Variants in UGT2B17 observed in about 807,000 individuals in gnomAD.
The protein encoded by UGT2B17 is UDP glucuronosyltransferase family 2 member B17, also known as UDP-glucuronosyltransferase 2B17.
In UGT2B17, 21 loss-of-function variants were observed where a neutral mutation model predicts 48.2. The ratio of observed to expected loss-of-function variants is 0.44; its 90% CI spans 0.31 to 0.63. UGT2B17 has a LOEUF of 0.63. Ranked by LOEUF, UGT2B17 falls within the 20% of genes least tolerant of loss-of-function variation. The probability of loss-of-function intolerance (pLI) is 0.08; values close to 1 mark genes in which losing one functional copy is unlikely to be tolerated. For synonymous variants in UGT2B17, 146 were observed against 238.4 expected, an observed-to-expected ratio of 0.61 and a Z score of 3.57; for missense variants, 402 against 696.1, an observed-to-expected ratio of 0.58 and a Z score of 4.75.
rs183436892 is a variant in UGT2B17 at position 68,571,626 on chromosome 4, C to A, written c.-64-3078G>T. On this transcript the variant is annotated intron_variant, in intron 1 of 6. Coordinates refer to ENST00000317746, the MANE Select transcript of UGT2B17 (RefSeq NM_001077.4). ...TGTCTAATAATTGAGACTTTTAGAA[C>A]CTAGAGATGATCAGGGTGATTCTTT... 1.1e-4 allele frequency among the ~76,000 whole-genome samples: 14 copies of A among 125,756 alleles called. 6 individuals are homozygous for A. In the South Asian group the frequency reaches 5.0e-3, roughly 45 times the overall value. The allele number at this position is 125,756 out of a possible 152,430, so 82.5% of individuals were successfully genotyped here.
rs1448223371 is a variant in UGT2B17 at position 68,545,953 on chromosome 4, G to T, written c.1313+4724C>A. Among the ~76,000 whole-genome samples, 2 of 125,572 alleles carry T rather than the reference G, an allele frequency of 1.6e-5. 1 individual carries two copies. Among genetic ancestry groups the T allele is most frequent in the Non-Finnish European group, 3.4e-5 (2 of 59,366 alleles). The allele number at this position is 125,572 out of a possible 152,430, so 82.4% of individuals were successfully genotyped here. A position where few individuals can be genotyped will look rare whatever the true frequency, so the allele number is the denominator to read the frequency against. ...ATTAATAGCTTACCAACCAAAAAAA[G>T]TCCAGGACCAGATGGATTCACAGCT... On this transcript the variant is annotated intron_variant, in intron 6 of 6. Coordinates refer to ENST00000317746, the MANE Select transcript of UGT2B17 (RefSeq NM_001077.4).
intron 1 of UGT2B17, among the ~76,000 whole-genome samples, chr4:68,571,831 T>C (rs781395249): frequency 7.9e-6 from 1 of 126,638 alleles, no homozygotes; most frequent in African/African-American, 2.7e-5. Context: ...TCTCAGGTAC[T>C]GGCACATTTA....
rs1731047465 is a variant in UGT2B17 at position 68,558,617 on chromosome 4, T to G, written c.1005+1920A>C. On this transcript the variant is annotated intron_variant, in intron 4 of 6. Transcript: ENST00000317746. ...TTTTGTCTTCACAGTACATGAGACT[T>G]CAGAACCTGCTAAAAATGAACTTTC... Among the ~76,000 whole-genome samples, 6 of 126,284 alleles carry G rather than the reference T, an allele frequency of 4.8e-5. 1 individual carries two copies. In the Admixed American group the frequency reaches 4.9e-4, roughly 10 times the overall value. 82.8% of individuals were successfully genotyped at this position (126,284 alleles called of 152,430 possible).
chr4:68,573,900 G>T lies in UGT2B17; in HGVS notation c.-65+2051C>A, dbSNP rs1407977121. Among the ~76,000 whole-genome samples, 2 of 126,468 alleles carry T rather than the reference G, an allele frequency of 1.6e-5. 1 individual carries two copies. Among genetic ancestry groups the T allele is most frequent in the African/African-American group, 5.4e-5 (2 of 36,828 alleles). 83.0% of individuals were successfully genotyped at this position (126,468 alleles called of 152,430 possible). Reference sequence around the variant, plus strand: ...AGACAGAAGCTGGATGGCCCTTGGGGGCTGACTGGCAGGGACTTCAGGATA... The same window carrying T: ...AGACAGAAGCTGGATGGCCCTTGGGTGCTGACTGGCAGGGACTTCAGGATA... On this transcript the variant is annotated intron_variant, in intron 1 of 6. Transcript: ENST00000317746.
intron 4 of UGT2B17, 121 bp from the exon 5 acceptor site, chr4:68,552,032 T>A: frequency 5.7e-6 from 4 of 696,538 alleles, no homozygotes; most frequent in Non-Finnish European, 7.9e-6. Context: ...TAAGAAGAAG[T>A]GATGTCAAGT....
rs1306023956 is a variant in UGT2B17 at position 68,541,856 on chromosome 4, T to C, written c.1314-3952A>G. Among the ~76,000 whole-genome samples, 3 of 126,850 alleles carry C rather than the reference T, an allele frequency of 2.4e-5. 1 individual carries two copies. Among genetic ancestry groups the C allele is most frequent in the Non-Finnish European group, 3.3e-5 (2 of 59,844 alleles). The allele number at this position is 126,850 out of a possible 152,430, so 83.2% of individuals were successfully genotyped here. A position where few individuals can be genotyped will look rare whatever the true frequency, so the allele number is the denominator to read the frequency against. On this transcript the variant is annotated intron_variant, in intron 6 of 6. Coordinates refer to ENST00000317746, the MANE Select transcript of UGT2B17 (RefSeq NM_001077.4). Reference sequence around the variant, plus strand: ...AGGCAGGGGTATAGTTTCTGTTTTTTGCATATGGCCAGCCAGTTTCCCCAG... The same window carrying C: ...AGGCAGGGGTATAGTTTCTGTTTTTCGCATATGGCCAGCCAGTTTCCCCAG...
In UGT2B17 at chr4:68,559,791, G is replaced by A. The variant is rs549435481; in HGVS notation, c.1005+746C>T. Among the ~76,000 whole-genome samples the A allele has an allele frequency of 3.2e-5, 4 of 126,402 alleles. 1 individual carries two copies. Among genetic ancestry groups the A allele is most frequent in the Admixed American group, 2.4e-4 (3 of 12,392 alleles). 82.9% of individuals were successfully genotyped at this position (126,402 alleles called of 152,430 possible). A position where few individuals can be genotyped will look rare whatever the true frequency, so the allele number is the denominator to read the frequency against. On this transcript the variant is annotated intron_variant, in intron 4 of 6. Coordinates refer to ENST00000317746, the MANE Select transcript of UGT2B17 (RefSeq NM_001077.4). Reference sequence around the variant, plus strand: ...AGAAGGCACTAATCTGATTCTTAGAGCATAGTCTTTGTTGGGCCACATTTA... The same window carrying A: ...AGAAGGCACTAATCTGATTCTTAGAACATAGTCTTTGTTGGGCCACATTTA...
In UGT2B17 at chr4:68,542,052, A is replaced by G. The variant is rs1217339212; in HGVS notation, c.1314-4148T>C. Among the ~76,000 whole-genome samples, 2 of 124,688 alleles carry G rather than the reference A, an allele frequency of 1.6e-5. 1 individual carries two copies. The highest frequency in any genetic ancestry group is 5.5e-5 in the African/African-American group (2 of 36,452). The allele number at this position is 124,688 out of a possible 152,430, so 81.8% of individuals were successfully genotyped here. On this transcript the variant is annotated intron_variant, in intron 6 of 6. Coordinates refer to ENST00000317746, the MANE Select transcript of UGT2B17 (RefSeq NM_001077.4). ...TGCTGGTTTGGTTACTGTAAGGTGT[A>G]AGGAAGGGATCCAGTTGCAGTTTTC... is the stretch of plus-strand genomic sequence containing the variant.
At position 68,565,820 on chromosome 4, in the gene UGT2B17, C is replaced by A. The variant is rs1250297273; in HGVS notation, c.725-100G>T. The A allele has an allele frequency of 8.7e-6, 9 of 1,039,212 alleles. 2 individuals are homozygous for A. The highest frequency in any genetic ancestry group is 1.1e-5 in the Non-Finnish European group (9 of 821,474). 64.4% of individuals were successfully genotyped at this position (1,039,212 alleles called of 1,614,324 possible). ...ATTTTCCTGAAAGGACTTGGAATAA[C>A]ATACCTAAAAATATATAAAATGTCT... is the stretch of plus-strand genomic sequence containing the variant. On this transcript the variant is annotated intron_variant, in intron 2 of 6. Coordinates refer to ENST00000317746, the MANE Select transcript of UGT2B17 (RefSeq NM_001077.4).
chr4:68,562,181 T>C (rs12507219), intron 3 of UGT2B17, among the ~76,000 whole-genome samples: 39,146 of 122,866 alleles, frequency 0.32, 12,461 homozygotes, highest in Admixed American at 0.42. Context: ...AATGATGCAA[T>C]CTTGGCTCAT....
In UGT2B17 at chr4:68,572,915, A is replaced by T. The variant is rs1265933024; in HGVS notation, c.-65+3036T>A. On this transcript the variant is annotated intron_variant, in intron 1 of 6. Transcript: ENST00000317746. ...GGTGAAGCTGCTCCCATCCACGTAC[A>T]GCTCCCAGTCTACTGATGTACAGTT... Among the ~76,000 whole-genome samples the T allele has an allele frequency of 1.6e-5, 2 of 126,482 alleles. 1 individual carries two copies. Among genetic ancestry groups the T allele is most frequent in the Admixed American group, 1.6e-4 (2 of 12,406 alleles). The allele number at this position is 126,482 out of a possible 152,430, so 83.0% of individuals were successfully genotyped here.
Position 68,556,757 on chromosome 4 carries a change from G to A in UGT2B17, c.1005+3780C>T, listed in dbSNP as rs1578168811. ...AAACAAACTTATTTGGCTTCATGCT[G>A]TTTTATTAGGGCTTATTGTTTGGCA... On this transcript the variant is annotated intron_variant, in intron 4 of 6. Transcript: ENST00000317746. 1.6e-5 allele frequency among the ~76,000 whole-genome samples: 2 copies of A among 125,600 alleles called. 1 individual carries two copies. Among genetic ancestry groups the A allele is most frequent in the South Asian group, 7.2e-4 (2 of 2,776 alleles). 82.4% of individuals were successfully genotyped at this position (125,600 alleles called of 152,430 possible).
In UGT2B17 at chr4:68,562,812, A is replaced by AT. The variant is rs1731128477; in HGVS notation, c.874-2145dup. Among the ~76,000 whole-genome samples, 2 of 125,842 alleles carry AT rather than the reference A, an allele frequency of 1.6e-5. 1 individual carries two copies. Among genetic ancestry groups the AT allele is most frequent in the South Asian group, 7.3e-4 (2 of 2,728 alleles). The allele number at this position is 125,842 out of a possible 152,430, so 82.6% of individuals were successfully genotyped here. ...TACATATGTGATGTTTATTTAGAAA[A>AT]TTTTTTCTCATTGTATATGCCTTTT... On this transcript the variant is annotated intron_variant, in intron 3 of 6. Transcript: ENST00000317746.
intron 4 of UGT2B17, among the ~76,000 whole-genome samples, chr4:68,552,293 T>C (rs1216648617): frequency 1.6e-5 from 2 of 125,940 alleles, no homozygotes; most frequent in Non-Finnish European, 3.4e-5. Context: ...GCATATCTAA[T>C]TGCCTCATTT....
At chr4:68,564,861 G>T (rs116284969) in intron 3 of UGT2B17, among the ~76,000 whole-genome samples, 5,384 of 123,814 alleles carry the variant, frequency 0.043, 1,360 homozygotes, top group Non-Finnish European at 0.063. Flanking sequence ...GCACACACCA[G>T]CATGCCTGGC....
chr4:68,546,659 T>C (rs1397660416), intron 6 of UGT2B17, among the ~76,000 whole-genome samples: 1 of 125,560 alleles, frequency 8.0e-6, no homozygotes, highest in African/African-American at 2.7e-5. Context: ...GAAGACATGA[T>C]TGTATATCTA....
rs1205197084 is a variant in UGT2B17 at position 68,559,120 on chromosome 4, T to A, written c.1005+1417A>T. Among the ~76,000 whole-genome samples the A allele has an allele frequency of 1.6e-5, 2 of 125,582 alleles. 1 individual carries two copies. Among genetic ancestry groups the A allele is most frequent in the Non-Finnish European group, 3.4e-5 (2 of 59,382 alleles). The allele number at this position is 125,582 out of a possible 152,430, so 82.4% of individuals were successfully genotyped here. On this transcript the variant is annotated intron_variant, in intron 4 of 6. Coordinates refer to ENST00000317746, the MANE Select transcript of UGT2B17 (RefSeq NM_001077.4). ...ACTAGCTGTAACCTTCCAAATTTAA[T>A]ATAAATTTATTAATTTTTGAGTGAT...
chr4:68,571,267 G>A lies in UGT2B17; in HGVS notation c.-64-2719C>T, dbSNP rs1276844723. 4.8e-5 allele frequency among the ~76,000 whole-genome samples: 6 copies of A among 125,384 alleles called. 1 individual carries two copies. The highest frequency in any genetic ancestry group is 3.3e-4 in the Admixed American group (4 of 12,196). 82.3% of individuals were successfully genotyped at this position (125,384 alleles called of 152,430 possible). On this transcript the variant is annotated intron_variant, in intron 1 of 6. Transcript: ENST00000317746. ...GTTCCCAGGAAGCATAGACTGGGAA[G>A]CCTAGAAGTTCATGTTTTTATGGGC... is the stretch of plus-strand genomic sequence containing the variant.
chr4:68,575,119 T>C (rs1731352536), intron 1 of UGT2B17, among the ~76,000 whole-genome samples: 1 of 124,624 alleles, frequency 8.0e-6, no homozygotes, highest in African/African-American at 2.8e-5. Flanking sequence ...AAGTTTGAAA[T>C]TTCAATTATC....
Sources: allele counts gnomAD v4.1 joint callset (sites outside exome capture counted in the v4.1 genomes callset), GRCh38; gene constraint gnomAD v4.1.1; transcripts MANE v1.5; gene names NCBI Gene and HGNC (gene_info 2026-07-23, HGNC 2026-07-21).